The following RAB27A variants were observed in gnomAD, a reference collection of about 807,000 sequenced individuals.
The protein encoded by RAB27A is RAB27A, member RAS oncogene family, also known as ras-related protein Rab-27A.
A neutral mutation model predicts 20.8 loss-of-function variants in RAB27A; 17 were observed. The observed-to-expected ratio is 0.82, with a 90% CI of 0.56 to 1.23. RAB27A has a LOEUF of 1.23. RAB27A is among the 50% of genes most tolerant of loss of function. The probability of loss-of-function intolerance (pLI) is 0.00; values close to 1 mark genes in which losing one functional copy is unlikely to be tolerated. For missense variants in RAB27A, 277 were observed against 266.7 expected (o/e 1.04, Z -0.27); for synonymous variants, 85 against 92.8 (o/e 0.92, Z 0.48).
chr15:55,307,380 A>G (rs1436410822), intron 2 of RAB27A, among the ~76,000 whole-genome samples: 1 of 152,054 alleles, frequency 6.6e-6, no homozygotes, highest in East Asian at 1.9e-4. Flanking sequence ...GCTATAGACA[A>G]CAGAGCAGAC....
In RAB27A at chr15:55,208,179, A is replaced by T. The variant is rs546032224; in HGVS notation, c.468-2474T>A. Among the ~76,000 whole-genome samples the T allele has an allele frequency of 4.8e-3, 738 of 152,360 alleles. 4 individuals are homozygous for T. Among genetic ancestry groups the T allele is most frequent in the Non-Finnish European group, 8.7e-3 (591 of 68,036 alleles). On this transcript the variant is annotated intron_variant, in intron 6 of 6. Coordinates refer to ENST00000336787, the MANE Select transcript of RAB27A (RefSeq NM_183235.3). ...TATACAATGAATTATACAATGCTTAAACTGTATCAACATGGCAAAAATTAA... is the reference window on the plus strand; with the variant it reads ...TATACAATGAATTATACAATGCTTATACTGTATCAACATGGCAAAAATTAA...
intron 6 of RAB27A, among the ~76,000 whole-genome samples, chr15:55,207,014 G>A (rs1425112744): frequency 6.6e-6 from 1 of 152,032 alleles, no homozygotes; most frequent in South Asian, 2.1e-4. Context: ...GGATATGCAC[G>A]GGAAATTCTA....
At chr15:55,258,066 CAAAA>C (rs553999609) in intron 2 of RAB27A, among the ~76,000 whole-genome samples, 1 of 61,978 alleles carries the variant, frequency 1.6e-5, no homozygotes. Flanking sequence ...GACTCAGTCT[CAAAA>C]AAAAAAAAAA....
At chr15:55,212,176 G>A (rs1281339146) in intron 6 of RAB27A, among the ~76,000 whole-genome samples, 1 of 151,968 alleles carries the variant, frequency 6.6e-6, no homozygotes, top group Non-Finnish European at 1.5e-5. Flanking sequence ...ACTGTATTCA[G>A]GTACACAATA....
intron 5 of RAB27A, among the ~76,000 whole-genome samples, chr15:55,227,176 C>T (rs185516902): frequency 2.0e-5 from 3 of 152,300 alleles, no homozygotes; most frequent in African/African-American, 7.2e-5. Flanking sequence ...CATATTTTCA[C>T]ATAATTTTGT....
intron 6 of RAB27A, among the ~76,000 whole-genome samples, chr15:55,221,478 G>C (rs1342397749): frequency 6.6e-6 from 1 of 152,092 alleles, no homozygotes; most frequent in Non-Finnish European, 1.5e-5. Flanking sequence ...CAGGGGAGCA[G>C]GGGGACATTT....
intron 2 of RAB27A, among the ~76,000 whole-genome samples, chr15:55,240,144 G>A (rs1896423152): frequency 6.6e-6 from 1 of 152,002 alleles, no homozygotes. Context: ...AGTATTCCTA[G>A]GGCCTGTTTT....
At position 55,207,107 on chromosome 15, in the gene RAB27A, C is replaced by T. The variant is rs139616440; in HGVS notation, c.468-1402G>A. Among the ~76,000 whole-genome samples, 368 of 152,212 alleles carry T rather than the reference C, an allele frequency of 2.4e-3. 2 individuals carry two copies. The highest frequency in any genetic ancestry group is 8.3e-3 in the African/African-American group (344 of 41,524). On this transcript the variant is annotated intron_variant, in intron 6 of 6. Coordinates refer to ENST00000336787, the MANE Select transcript of RAB27A (RefSeq NM_183235.3). Reference sequence around the variant, plus strand: ...TAAAATAATGGTATATTAACTCACACCCATCAGATTGGCAAAAATATAGAA... The same window carrying T: ...TAAAATAATGGTATATTAACTCACATCCATCAGATTGGCAAAAATATAGAA...
intron 6 of RAB27A, among the ~76,000 whole-genome samples, chr15:55,220,835 T>G (rs967177629): frequency 6.6e-6 from 1 of 152,202 alleles, no homozygotes; most frequent in African/African-American, 2.4e-5. Flanking sequence ...GTGAACCAAA[T>G]TTTTCCATCA....
At chr15:55,306,527 C>G (rs575084835) in intron 2 of RAB27A, among the ~76,000 whole-genome samples, 2 of 152,190 alleles carry the variant, frequency 1.3e-5, no homozygotes, top group South Asian at 4.1e-4. Flanking sequence ...ATCTTGAACT[C>G]CACCCCTATC....
At chr15:55,310,449 G>T (rs933836398) in intron 2 of RAB27A, among the ~76,000 whole-genome samples, 2 of 152,186 alleles carry the variant, frequency 1.3e-5, no homozygotes, top group Non-Finnish European at 2.9e-5. Flanking sequence ...CATCCCCTGG[G>T]GCAGTGGGCC....
intron 4 of RAB27A, among the ~76,000 whole-genome samples, chr15:55,229,866 A>G (rs1360929867): frequency 6.6e-6 from 1 of 152,218 alleles, no homozygotes; most frequent in Non-Finnish European, 1.5e-5. Context: ...TAGGTTTATC[A>G]TATAATCCTT....
intron 1 of RAB27A, chr15:55,317,505 G>T (rs906632370): frequency 1.5e-5 from 5 of 332,468 alleles, no homozygotes; most frequent in Admixed American, 9.8e-5. Flanking sequence ...AGTAGAGACA[G>T]GGTTTCACCA....
In RAB27A at chr15:55,223,947, G is replaced by C; in HGVS notation, c.409C>G (p.Leu137Val). ...DIVLCGNKSDLEDQRVVKEEE... is the reference protein window; with the variant it reads ...DIVLCGNKSDVEDQRVVKEEE... ...TCTTTCACTACTCTCTGGTCCTCCA[G>C]ATCACTCTTGTTTCCACACAGCACT... Residue 137 changes from leucine (L) to valine (V), a missense_variant, in exon 6 of 7, where the codon CTG becomes GTG. By Grantham distance (32) the Leu-to-Val change is conservative. Coordinates refer to ENST00000336787, the MANE Select transcript of RAB27A (RefSeq NM_183235.3). 6.2e-7 allele frequency: 1 copy of C among 1,613,374 alleles called. No individual in the cohort carries two copies. Among genetic ancestry groups the C allele is most frequent in the Non-Finnish European group, 8.5e-7 (1 of 1,179,418 alleles).
At chr15:55,287,841 T>C (rs1361436833) in intron 1 of RAB27A, among the ~76,000 whole-genome samples, 2 of 151,912 alleles carry the variant, frequency 1.3e-5, no homozygotes, top group African/African-American at 4.8e-5. Flanking sequence ...CATATCCTGA[T>C]TTCAAAACAC....
chr15:55,271,968 A>T (rs755991663), intron 1 of RAB27A, among the ~76,000 whole-genome samples: 9 of 152,320 alleles, frequency 5.9e-5, no homozygotes, highest in Non-Finnish European at 8.8e-5. Context: ...ATCTCATGAA[A>T]ATGCACCTCT....
At chr15:55,285,127 A>T (rs1898113879) in intron 1 of RAB27A, among the ~76,000 whole-genome samples, 1 of 152,202 alleles carries the variant, frequency 6.6e-6, no homozygotes, top group Admixed American at 6.5e-5. Context: ...TATAGGAAAC[A>T]ATTATTTAGT....
At chr15:55,271,331 G>T (rs1897699407) in intron 1 of RAB27A, among the ~76,000 whole-genome samples, 1 of 152,188 alleles carries the variant, frequency 6.6e-6, no homozygotes, top group African/African-American at 2.4e-5. Flanking sequence ...GTGGTTCCAA[G>T]ACCAGTATTA....
chr15:55,241,624 ATGTGTG>A (rs1555395487), intron 2 of RAB27A, among the ~76,000 whole-genome samples: 34 of 117,472 alleles, frequency 2.9e-4, no homozygotes, highest in African/African-American at 1.4e-3. Context: ...ATATATATAT[ATGTGTG>A]TATATATATT....
Sources: allele counts gnomAD v4.1 joint callset (sites outside exome capture counted in the v4.1 genomes callset), GRCh38; gene constraint gnomAD v4.1.1; transcripts MANE v1.5; gene names NCBI Gene and HGNC (gene_info 2026-07-23, HGNC 2026-07-21).